The following ZNF423 variants were observed in gnomAD, a reference collection of about 807,000 sequenced individuals.
The protein encoded by ZNF423 is zinc finger protein 423.
In ZNF423, 12 loss-of-function variants were observed where a neutral mutation model predicts 95.8. That is an observed-to-expected ratio of 0.13 (90% confidence interval 0.08 to 0.20). The LOEUF (loss-of-function observed/expected upper bound fraction) is 0.20. ZNF423 is among the 10% of genes least tolerant of loss of function. The pLI is 1.00. For synonymous variants in ZNF423, 749 were observed against 711.9 expected, an observed-to-expected ratio of 1.05 and a Z score of -0.83; for missense variants, 1,316 against 1,737.1, an observed-to-expected ratio of 0.76 and a Z score of 4.31.
In ZNF423 at chr16:49,563,780, A is replaced by G. The variant is rs1970093784; in HGVS notation, c.3602-38286T>C. Reference sequence around the variant, plus strand: ...TCCCCATGGCCTGCTACTGAAACATACACATCCCACTGGTATGGCCAGCTC... The same window carrying G: ...TCCCCATGGCCTGCTACTGAAACATGCACATCCCACTGGTATGGCCAGCTC... On this transcript the variant is annotated intron_variant, in intron 5 of 7. Transcript: ENST00000563137. 2.6e-5 allele frequency among the ~76,000 whole-genome samples: 4 copies of G among 152,192 alleles called. No individual in the cohort carries two copies. The South Asian group carries it at 8.3e-4, about 32-fold the overall frequency.
chr16:49,622,273 C>T (rs1482839921), intron 5 of ZNF423, among the ~76,000 whole-genome samples: 4 of 152,106 alleles, frequency 2.6e-5, no homozygotes, highest in African/African-American at 9.7e-5. Context: ...AAAGTTGGAC[C>T]CTGGCCTACG....
At chr16:49,628,136 C>A (rs1031683766) in intron 4 of ZNF423, among the ~76,000 whole-genome samples, 1 of 149,576 alleles carries the variant, frequency 6.7e-6, no homozygotes, top group Non-Finnish European at 1.5e-5. Flanking sequence ...ACCATCCATC[C>A]ATCGTCCATC....
At chr16:49,511,666 C>G (rs1967902467) in intron 7 of ZNF423, among the ~76,000 whole-genome samples, 1 of 152,310 alleles carries the variant, frequency 6.6e-6, no homozygotes, top group South Asian at 2.1e-4. Flanking sequence ...CAGTGTCCAC[C>G]CCAGACTTCT....
At chr16:49,593,307 T>G (rs528011293) in intron 5 of ZNF423, among the ~76,000 whole-genome samples, 2 of 152,108 alleles carry the variant, frequency 1.3e-5, no homozygotes, top group Admixed American at 1.3e-4. Flanking sequence ...TGGTGGCACG[T>G]GCCTGTGGTC....
At chr16:49,772,474 C>T (rs1208853214) in intron 2 of ZNF423, among the ~76,000 whole-genome samples, 2 of 152,254 alleles carry the variant, frequency 1.3e-5, no homozygotes, top group African/African-American at 4.8e-5. Context: ...GCCATCACAC[C>T]TGCCCTGACA....
chr16:49,630,744 T>A (rs1972468296), intron 4 of ZNF423, among the ~76,000 whole-genome samples: 1 of 151,976 alleles, frequency 6.6e-6, no homozygotes, highest in Non-Finnish European at 1.5e-5. Flanking sequence ...GGAAAATACA[T>A]CCCCAGGGGC....
At chr16:49,684,518 C>T (rs1188716642) in intron 3 of ZNF423, among the ~76,000 whole-genome samples, 8 of 152,172 alleles carry the variant, frequency 5.3e-5, no homozygotes, top group Admixed American at 3.3e-4. Flanking sequence ...GATGAAGAAA[C>T]CTCCCCATGG....
chr16:49,673,847 C>T (rs2030927458), intron 3 of ZNF423, among the ~76,000 whole-genome samples: 1 of 152,218 alleles, frequency 6.6e-6, no homozygotes, highest in Non-Finnish European at 1.5e-5. Context: ...GGAGCATGAG[C>T]TCTAAAGGAG....
rs71380366 is a variant in ZNF423, at chr16:49,646,574, C to CTTTTTTTTTTTTTTTTTTTT, written c.302-7701_302-7700insAAAAAAAAAAAAAAAAAAAA. On this transcript the variant is annotated intron_variant, in intron 3 of 7. Transcript: ENST00000563137. ...TTATGGCACATTTTCTTTTCTTTTT[C>CTTTTTTTTTTTTTTTTTTTT]TTTTTTTTTTTTTTGAGAAGGAGTC... Among the ~76,000 whole-genome samples, 46 of 117,972 alleles carry CTTTTTTTTTTTTTTTTTTTT rather than the reference C, an allele frequency of 3.9e-4. 2 individuals carry two copies. The highest frequency in any genetic ancestry group is 1.4e-3 in the East Asian group (6 of 4,138). The allele number at this position is 117,972 out of a possible 152,430, so 77.4% of individuals were successfully genotyped here.
At chr16:49,601,215 G>A (rs1971360922) in intron 5 of ZNF423, among the ~76,000 whole-genome samples, 1 of 152,136 alleles carries the variant, frequency 6.6e-6, no homozygotes, top group Non-Finnish European at 1.5e-5. Flanking sequence ...TGGTGGTGAG[G>A]CACACGGGTT....
At chr16:49,796,016 G>C (rs866141251) in intron 1 of ZNF423, among the ~76,000 whole-genome samples, 1 of 152,146 alleles carries the variant, frequency 6.6e-6, no homozygotes, top group South Asian at 2.1e-4. Context: ...ATTAACCATG[G>C]TTCCTGGGGT....
intron 7 of ZNF423, among the ~76,000 whole-genome samples, chr16:49,507,705 C>A (rs1967701259): frequency 6.6e-6 from 1 of 152,224 alleles, no homozygotes; most frequent in African/African-American, 2.4e-5. Flanking sequence ...AGCCTGTATT[C>A]AAGTCTACAA....
chr16:49,675,018 G>A (rs1322640908), intron 3 of ZNF423, among the ~76,000 whole-genome samples: 1 of 152,168 alleles, frequency 6.6e-6, no homozygotes, highest in Non-Finnish European at 1.5e-5. Flanking sequence ...CAGCCGCCCA[G>A]GGCAGAGCGG....
At chr16:49,733,921 A>T (rs1291477596) in intron 2 of ZNF423, among the ~76,000 whole-genome samples, 1 of 152,166 alleles carries the variant, frequency 6.6e-6, no homozygotes, top group Non-Finnish European at 1.5e-5. Context: ...CATAAGACAA[A>T]AGAATAAATG....
intron 2 of ZNF423, among the ~76,000 whole-genome samples, chr16:49,753,903 C>T (rs899451914): frequency 4.6e-5 from 7 of 152,050 alleles, no homozygotes; most frequent in South Asian, 4.1e-4. Flanking sequence ...TGGTGGCGGG[C>T]GCCTGTAATC....
At chr16:49,738,607 G>C (rs1188002308) in intron 2 of ZNF423, among the ~76,000 whole-genome samples, 1 of 152,158 alleles carries the variant, frequency 6.6e-6, no homozygotes, top group Non-Finnish European at 1.5e-5. Flanking sequence ...GGTTTCGAGG[G>C]GATAGGGGAG....
At chr16:49,515,411 T>C (rs1164987265) in intron 7 of ZNF423, among the ~76,000 whole-genome samples, 8 of 152,270 alleles carry the variant, frequency 5.3e-5, no homozygotes, top group Non-Finnish European at 1.2e-4. Context: ...TTAGCTCATA[T>C]AAATGGCAAT....
chr16:49,496,038 G>A (rs1967155065), intron 7 of ZNF423, among the ~76,000 whole-genome samples: 1 of 152,244 alleles, frequency 6.6e-6, no homozygotes, highest in South Asian at 2.1e-4. Flanking sequence ...GCTACTCTGA[G>A]GACAGTGTCT....
At chr16:49,731,162 T>A in intron 2 of ZNF423, 191 bp from the exon 3 acceptor site, 1 of 476,752 alleles carries the variant, frequency 2.1e-6, no homozygotes, top group South Asian at 8.9e-5. Context: ...CTCAACCAGA[T>A]TCTTTAATTC....
Sources: gnomAD v4.1 joint callset for allele counts (sites outside exome capture counted in the v4.1 genomes callset) on GRCh38, gnomAD v4.1.1 for gene constraint, MANE v1.5 for transcripts, NCBI Gene and HGNC (gene_info 2026-07-23, HGNC 2026-07-21) for gene names.